Variants in FHDC1 observed in about 807,000 individuals in gnomAD.
FHDC1 encodes FH2 domain-containing protein 1.
In FHDC1, 25 loss-of-function variants were observed where a neutral mutation model predicts 52.6. That is an observed-to-expected ratio of 0.48 (90% CI 0.35 to 0.66). The LOEUF is 0.66. FHDC1 is among the 30% of genes least tolerant of loss of function. The pLI, the probability that FHDC1 is intolerant of heterozygous loss-of-function variation, is 0.01. For synonymous variants in FHDC1, 616 were observed against 581.5 expected, an observed-to-expected ratio of 1.06 and a Z score of -0.85; for missense variants, 1,459 against 1,452.8, an observed-to-expected ratio of 1.00 and a Z score of -0.07.
chr4:152,969,640 C>T (rs945427861), intron 10 of FHDC1, among the ~76,000 whole-genome samples: 8 of 151,240 alleles, frequency 5.3e-5, no homozygotes, highest in Non-Finnish European at 1.5e-5. Flanking sequence ...CTTGTTTTAA[C>T]CCTTTACACT....
chr4:152,935,130 T>C (rs1739325802), upstream of FHDC1, among the ~76,000 whole-genome samples: 1 of 152,232 alleles, frequency 6.6e-6, no homozygotes, highest in African/African-American at 2.4e-5. Context: ...AAATGGGCTA[T>C]TGGCAGGCAC....
At chr4:152,968,131 T>G in intron 10 of FHDC1, 34 bp downstream of exon 10, 1 of 1,513,432 alleles carries the variant, frequency 6.6e-7, no homozygotes, top group East Asian at 2.3e-5. Context: ...CCCTCTAATC[T>G]CATCTCCCAG....
At position 152,972,495 on chromosome 4, in the gene FHDC1, TTCA is replaced by T; in HGVS notation, c.1338_1340del (p.Phe446_Gln447delinsLeu). On this transcript the variant is annotated inframe_deletion, in exon 11 of 12. Coordinates refer to ENST00000511601, the MANE Select transcript of FHDC1 (RefSeq NM_001371116.1). ...AAAACCATGAAACTGGATGAATGCT[TTCA>T]GATATTTAGAGATTTCTGTACCAAA... The T allele has an allele frequency of 6.2e-7, 1 of 1,613,936 alleles. No homozygotes were observed. Among genetic ancestry groups the T allele is most frequent in the Non-Finnish European group, 8.5e-7 (1 of 1,179,960 alleles).
intron 10 of FHDC1, among the ~76,000 whole-genome samples, chr4:152,968,520 G>A (rs2102787): frequency 0.91 from 138,353 of 152,132 alleles, 63,418 homozygotes; most frequent in East Asian, 0.98. Flanking sequence ...GTAGAGACGC[G>A]GTTTTGCCAT....
intron 4 of FHDC1, among the ~76,000 whole-genome samples, chr4:152,958,866 A>G (rs1284878546): frequency 2.0e-5 from 3 of 152,232 alleles, no homozygotes; most frequent in Non-Finnish European, 4.4e-5. Context: ...AGGCTCTACC[A>G]GTAAGGGAAA....
the FHDC1 span, among the ~76,000 whole-genome samples, chr4:152,919,944 CTTTTTTT>C: frequency 0.013 from 918 of 70,302 alleles, 14 homozygotes; most frequent in African/African-American, 0.044. Context: ...TAGGGAAGTT[CTTTTTTT>C]TTTTTTTTTT....
intron 10 of FHDC1, among the ~76,000 whole-genome samples, chr4:152,969,448 T>C (rs1363319875): frequency 6.6e-6 from 1 of 152,234 alleles, no homozygotes; most frequent in Non-Finnish European, 1.5e-5. Context: ...ACGAATGCAT[T>C]AAACAAATCC....
Position 152,965,254 on chromosome 4 carries a change from C to T in FHDC1, c.1100+279C>T, listed in dbSNP as rs56297106. Among the ~76,000 whole-genome samples, 421 of 152,316 alleles carry T rather than the reference C, an allele frequency of 2.8e-3. 2 individuals carry two copies. Among genetic ancestry groups the T allele is most frequent in the African/African-American group, 9.2e-3 (383 of 41,572 alleles). ...GGATTAATAATTTCAAATCCCTCCA[C>T]GCCCAAGAGATAGAGCTTAAACAGC... On this transcript the variant is annotated intron_variant, in intron 9 of 11. Coordinates refer to ENST00000511601, the MANE Select transcript of FHDC1 (RefSeq NM_001371116.1).
At chr4:152,955,322 C>A (rs773115201) in intron 4 of FHDC1, among the ~76,000 whole-genome samples, 40 of 152,020 alleles carry the variant, frequency 2.6e-4, no homozygotes, top group Admixed American at 5.2e-4. Context: ...AGAAAAAAAA[C>A]CCAGAAAAAC....
the FHDC1 span, among the ~76,000 whole-genome samples, chr4:152,922,951 A>T: frequency 6.6e-6 from 1 of 152,154 alleles, no homozygotes; most frequent in Non-Finnish European, 1.5e-5. Context: ...CTGGCACAAG[A>T]CAGGGATGCC....
rs150417360 is a variant in FHDC1 at position 152,963,489 on chromosome 4, A to G, written c.1029+359A>G. ...CTTTTGTTTTTGTTTTTAGGCAAATAAGGCACTGTGGAGGCTGGGTTAGAG... is the reference window on the plus strand; with the variant it reads ...CTTTTGTTTTTGTTTTTAGGCAAATGAGGCACTGTGGAGGCTGGGTTAGAG... On this transcript the variant is annotated intron_variant, in intron 8 of 11. Transcript: ENST00000511601. Among the ~76,000 whole-genome samples the G allele has an allele frequency of 7.2e-5, 11 of 152,342 alleles. No individual in the cohort carries two copies. In the East Asian group the frequency reaches 2.1e-3, roughly 29 times the overall value.
chr4:152,914,356 A>G, the FHDC1 span, among the ~76,000 whole-genome samples: 1 of 152,076 alleles, frequency 6.6e-6, no homozygotes, highest in Non-Finnish European at 1.5e-5. Context: ...CTTTGTTTTC[A>G]TGAAATAAAG....
the FHDC1 span, among the ~76,000 whole-genome samples, chr4:152,913,672 C>CATTTATTTATTT: frequency 6.6e-6 from 1 of 151,776 alleles, no homozygotes; most frequent in Non-Finnish European, 1.5e-5. Context: ...TTTGATCACT[C>CATTTATTTATTT]ATTTATTTAT....
chr4:152,952,792 T>C (rs545004796), intron 2 of FHDC1, among the ~76,000 whole-genome samples: 57 of 152,326 alleles, frequency 3.7e-4, no homozygotes, highest in Non-Finnish European at 7.2e-4. Flanking sequence ...CAACTTACGA[T>C]GGGGCTGCAT....
chr4:152,961,459 T>C (rs12499517), intron 6 of FHDC1, among the ~76,000 whole-genome samples: 62,838 of 152,098 alleles, frequency 0.41, 13,355 homozygotes, highest in South Asian at 0.56. Context: ...CCTGCCCAGC[T>C]TGGATAGCCT....
upstream of FHDC1, among the ~76,000 whole-genome samples, chr4:152,934,384 C>T (rs1318561143): frequency 6.6e-6 from 1 of 152,088 alleles, no homozygotes; most frequent in Non-Finnish European, 1.5e-5. Flanking sequence ...TTTATTTGGA[C>T]TTGAAATTTT....
chr4:152,935,942 G>A (rs1739354438), upstream of FHDC1, among the ~76,000 whole-genome samples: 1 of 152,170 alleles, frequency 6.6e-6, no homozygotes, highest in Non-Finnish European at 1.5e-5. Context: ...GGCACTTGCA[G>A]GTTCAGAAGC....
the FHDC1 span, among the ~76,000 whole-genome samples, chr4:152,919,034 G>A: frequency 6.6e-6 from 1 of 152,214 alleles, no homozygotes; most frequent in East Asian, 1.9e-4. Context: ...GAACTGTTTT[G>A]AACATGTTTG....
intron 6 of FHDC1, 116 bp downstream of exon 6, chr4:152,960,960 A>G: frequency 1.5e-6 from 1 of 659,162 alleles, no homozygotes; most frequent in Non-Finnish European, 2.5e-6. Flanking sequence ...TATACCCTTA[A>G]AAGGGAAATG....
Sources: gnomAD v4.1 joint callset for allele counts (sites outside exome capture counted in the v4.1 genomes callset) on GRCh38, gnomAD v4.1.1 for gene constraint, MANE v1.5 for transcripts, NCBI Gene and HGNC (gene_info 2026-07-23, HGNC 2026-07-21) for gene names.